Variants in ZFHX3 observed in about 807,000 individuals in gnomAD.
The protein encoded by ZFHX3 is zinc finger homeobox 3.
ZFHX3 carries 42 observed loss-of-function variants against 279.1 expected under a neutral mutation model. That is an observed-to-expected ratio of 0.15 (90% CI 0.12 to 0.19). The LOEUF is 0.19. Ranked by LOEUF, ZFHX3 falls within the 10% of genes least tolerant of loss-of-function variation. The probability of loss-of-function intolerance (pLI) is 1.00; values close to 1 mark genes in which losing one functional copy is unlikely to be tolerated. For synonymous variants in ZFHX3, 2,293 were observed against 1,957.8 expected (o/e 1.17, Z -4.52); for missense variants, 4,981 against 4,754.0 (o/e 1.05, Z -1.40).
At chr16:73,310,021 G>A (rs972409225) in intron 4 of ZFHX3, among the ~76,000 whole-genome samples, 10 of 147,974 alleles carry the variant, frequency 6.8e-5, no homozygotes, top group African/African-American at 2.5e-4. Flanking sequence ...CGATTCTCCT[G>A]CCTCAGCCTC....
chr16:72,788,228 G>A lies in ZFHX3; in HGVS notation c.10048C>T (p.Gln3350Ter). The change falls in exon 10 of 10, where the codon CAG becomes TAG. Residue 3350 changes from glutamine (Q) to a stop codon, truncating the protein, a stop_gained. Coordinates refer to ENST00000268489, the MANE Select transcript of ZFHX3 (RefSeq NM_006885.4). LOFTEE classifies it high-confidence loss of function. ...CCTGGGGACAGCCCCATCAGGGCCT[G>A]CGACAGTGCAGGGCTGTAGGGGAAC... ...GLFPYSPALSQALMGLSPGSL... is the reference protein window; with the variant it reads ...GLFPYSPALS 1 of 1,613,920 alleles carries A rather than the reference G, an allele frequency of 6.2e-7. No homozygotes were observed. The highest frequency in any genetic ancestry group is 8.5e-7 in the Non-Finnish European group (1 of 1,179,856).
chr16:72,985,367 A>G (rs1034570492), intron 1 of ZFHX3, among the ~76,000 whole-genome samples: 1 of 152,240 alleles, frequency 6.6e-6, no homozygotes, highest in Admixed American at 6.5e-5. Flanking sequence ...ATGTCCCCAA[A>G]TAAGTGGTTT....
At position 72,788,623 on chromosome 16, in the gene ZFHX3, G is replaced by A. The variant is rs753124123; in HGVS notation, c.9653C>T (p.Pro3218Leu). 33 of 1,613,246 alleles carry A rather than the reference G, an allele frequency of 2.0e-5. No individual in the cohort carries two copies. The highest frequency in any genetic ancestry group is 1.0e-4 in the Admixed American group (6 of 59,980). ...CAGTGGGAGCTGTGGTGTGGGTGGC[G>A]GCTGGGCTGCTGGCGGCGGGGGAGG... Reference protein sequence around the residue: ...QQPPPPPAAQPPPTPQLPLQQ... With the variant: ...QQPPPPPAAQLPPTPQLPLQQ... Residue 3218 changes from proline to leucine, a missense_variant, in exon 10 of 10, where the codon CCG becomes CTG. Physicochemically the swap from Pro to Leu is moderately conservative, Grantham distance 98 (BLOSUM62 -3). This residue lies in a region of ZFHX3 where 1,034 missense variants were observed against 786.0 expected (regional missense o/e 1.32). Transcript: ENST00000268489.
At chr16:73,464,723 C>T (rs527909749) in intron 2 of ZFHX3, among the ~76,000 whole-genome samples, 3 of 152,304 alleles carry the variant, frequency 2.0e-5, no homozygotes, top group East Asian at 1.9e-4. Context: ...CCTCAAATGC[C>T]GGCTGCCAAT....
chr16:72,877,712 G>A (rs1406827576), intron 4 of ZFHX3, among the ~76,000 whole-genome samples: 1 of 152,214 alleles, frequency 6.6e-6, no homozygotes, highest in Non-Finnish European at 1.5e-5. Flanking sequence ...AAAACAGAGA[G>A]CCCCAAAGAG....
intron 2 of ZFHX3, among the ~76,000 whole-genome samples, chr16:73,457,749 T>A (rs1382179521): frequency 6.6e-6 from 1 of 152,196 alleles, no homozygotes; most frequent in Non-Finnish European, 1.5e-5. Flanking sequence ...CACTCCGGCC[T>A]GGGCAACAGA....
chr16:73,306,219 G>C (rs919614445), intron 4 of ZFHX3, among the ~76,000 whole-genome samples: 5 of 152,126 alleles, frequency 3.3e-5, no homozygotes, highest in African/African-American at 1.2e-4. Flanking sequence ...TTCTCAAATA[G>C]TTTGTTCTTT....
At chr16:73,297,980 T>C (rs2014956964) in intron 4 of ZFHX3, among the ~76,000 whole-genome samples, 1 of 151,556 alleles carries the variant, frequency 6.6e-6, no homozygotes, top group Admixed American at 6.6e-5. Flanking sequence ...AATCCAGGAA[T>C]TTGAGACCAG....
At chr16:73,632,864 C>T (rs1026961299) in intron 2 of ZFHX3, among the ~76,000 whole-genome samples, 1 of 152,104 alleles carries the variant, frequency 6.6e-6, no homozygotes, top group Non-Finnish European at 1.5e-5. Context: ...ATCACAAGGT[C>T]AGGAGATAGA....
chr16:73,177,845 C>G (rs1316735107), intron 5 of ZFHX3, among the ~76,000 whole-genome samples: 1 of 152,184 alleles, frequency 6.6e-6, no homozygotes. Flanking sequence ...TAATGCAAAG[C>G]ACTGTTAAAT....
At chr16:73,264,671 T>C (rs960389675) in intron 4 of ZFHX3, among the ~76,000 whole-genome samples, 10 of 152,064 alleles carry the variant, frequency 6.6e-5, no homozygotes, top group African/African-American at 2.4e-4. Flanking sequence ...GAGATTTCAG[T>C]GCACCCATCA....
intron 4 of ZFHX3, among the ~76,000 whole-genome samples, chr16:73,299,552 T>C (rs2015003813): frequency 6.6e-6 from 1 of 152,094 alleles, no homozygotes; most frequent in African/African-American, 2.4e-5. Flanking sequence ...ATATAAATCT[T>C]GATGAGGGGC....
intron 1 of ZFHX3, among the ~76,000 whole-genome samples, chr16:73,835,305 T>A (rs903788894): frequency 2.0e-5 from 3 of 151,918 alleles, no homozygotes; most frequent in Non-Finnish European, 2.9e-5. Flanking sequence ...GGGTAGCGTG[T>A]TTTCTAAGCT....
At chr16:73,109,003 A>AT (rs5817832) in intron 7 of ZFHX3, among the ~76,000 whole-genome samples, 96,083 of 151,954 alleles carry the variant, frequency 0.63, 31,188 homozygotes, top group African/African-American at 0.77. Context: ...CTGGTTGGGG[A>AT]TTCTGGCTGG....
chr16:73,780,399 C>T (rs1453010717), intron 1 of ZFHX3, among the ~76,000 whole-genome samples: 3 of 148,144 alleles, frequency 2.0e-5, no homozygotes, highest in Non-Finnish European at 3.0e-5. Context: ...CCACCCACCT[C>T]GGCCTCCCAA....
intron 1 of ZFHX3, among the ~76,000 whole-genome samples, chr16:73,001,067 C>G (rs1286847256): frequency 6.6e-6 from 1 of 152,238 alleles, no homozygotes; most frequent in Admixed American, 6.5e-5. Context: ...TTCTTACCAA[C>G]AGCATGCAAA....
chr16:73,183,172 T>A (rs1004570684), intron 5 of ZFHX3, among the ~76,000 whole-genome samples: 2 of 152,100 alleles, frequency 1.3e-5, no homozygotes, highest in Non-Finnish European at 2.9e-5. Context: ...GCCACTGCAC[T>A]CCAGCCTGGG....
chr16:73,774,352 T>G (rs777226697), intron 1 of ZFHX3, among the ~76,000 whole-genome samples: 1 of 152,102 alleles, frequency 6.6e-6, no homozygotes, highest in Non-Finnish European at 1.5e-5. Flanking sequence ...GAAAGGGGAT[T>G]TGAGCTCATC....
intron 3 of ZFHX3, among the ~76,000 whole-genome samples, chr16:73,366,228 G>A (rs1221900516): frequency 3.3e-5 from 5 of 152,190 alleles, no homozygotes; most frequent in Admixed American, 3.3e-4. Flanking sequence ...GAGTGGAACA[G>A]CCTCAGTGTC....
Sources: gnomAD v4.1 joint callset for allele counts (sites outside exome capture counted in the v4.1 genomes callset) on GRCh38, gnomAD v4.1.1 for gene constraint, gnomAD v4.1.1 regional missense constraint, MANE v1.5 for transcripts, NCBI Gene and HGNC (gene_info 2026-07-23, HGNC 2026-07-21) for gene names.